MPPED2: variants seen among roughly 807,000 people sequenced by gnomAD.
MPPED2 encodes metallophosphoesterase MPPED2.
A neutral mutation model predicts 33.0 loss-of-function variants in MPPED2; 5 were observed. The observed-to-expected ratio is 0.15, with a 90% CI of 0.08 to 0.32. The LOEUF (loss-of-function observed/expected upper bound fraction) is 0.32. MPPED2 is among the 10% of genes least tolerant of loss of function. The pLI is 1.00. For missense variants in MPPED2, 275 were observed against 372.1 expected (o/e 0.74, Z 2.15); for synonymous variants, 136 against 141.9 (o/e 0.96, Z 0.29).
At chr11:30,455,969 T>C (rs915837977) in intron 4 of MPPED2, among the ~76,000 whole-genome samples, 5 of 152,252 alleles carry the variant, frequency 3.3e-5, no homozygotes, top group East Asian at 1.9e-4. Context: ...CCCTGGGTAA[T>C]GTTTCATCAC....
rs192733917 is a variant in MPPED2, at chr11:30,386,888, T to G, written c.*2001A>C. 7.5e-6 allele frequency: 3 copies of G among 397,686 alleles called. No individual in the cohort carries two copies. In the East Asian group the frequency reaches 1.1e-4, roughly 14 times the overall value. 24.6% of individuals were successfully genotyped at this position (397,686 alleles called of 1,614,324 possible). A position where few individuals can be genotyped will look rare whatever the true frequency, so the allele number is the denominator to read the frequency against. ...TAGTAATAATAATAGCCAACACTTA[T>G]TAAGCATCTGCCAAATGTTGGGCAT... On this transcript the variant is annotated 3_prime_UTR_variant, in exon 7 of 7. Transcript: ENST00000448418.
chr11:30,444,155 C>T (rs1347783672), intron 4 of MPPED2, among the ~76,000 whole-genome samples: 1 of 152,140 alleles, frequency 6.6e-6, no homozygotes, highest in African/African-American at 2.4e-5. Flanking sequence ...TGGATAGCAT[C>T]CTTGTGTTAA....
At chr11:30,539,520 C>T (rs1400834706) in intron 2 of MPPED2, among the ~76,000 whole-genome samples, 1 of 152,168 alleles carries the variant, frequency 6.6e-6, no homozygotes, top group Non-Finnish European at 1.5e-5. Flanking sequence ...CCTTATGGGG[C>T]ATCTCGTTCA....
chr11:30,572,812 T>C (rs1956764149), intron 2 of MPPED2, among the ~76,000 whole-genome samples: 1 of 152,200 alleles, frequency 6.6e-6, no homozygotes, highest in South Asian at 2.1e-4. Context: ...GATGTCTCTA[T>C]TATATTCTTT....
At chr11:30,446,210 G>C (rs921024313) in intron 4 of MPPED2, among the ~76,000 whole-genome samples, 1 of 152,202 alleles carries the variant, frequency 6.6e-6, no homozygotes, top group African/African-American at 2.4e-5. Context: ...GCGGTTAGAG[G>C]AGACTGGCAA....
intron 3 of MPPED2, among the ~76,000 whole-genome samples, chr11:30,512,580 C>A (rs903049370): frequency 6.6e-6 from 1 of 152,118 alleles, no homozygotes; most frequent in Admixed American, 6.5e-5. Context: ...CCCTCAGGGC[C>A]CTTGGAAAAA....
intron 3 of MPPED2, among the ~76,000 whole-genome samples, chr11:30,521,268 A>G (rs1252196717): frequency 6.6e-6 from 1 of 152,236 alleles, no homozygotes; most frequent in Non-Finnish European, 1.5e-5. Flanking sequence ...AAACAAGAAT[A>G]AACAAAACCA....
intron 4 of MPPED2, among the ~76,000 whole-genome samples, chr11:30,489,950 C>A (rs1951902838): frequency 6.6e-6 from 1 of 151,128 alleles, no homozygotes; most frequent in Non-Finnish European, 1.5e-5. Context: ...ATCAAAACAG[C>A]AAAAGAAGAG....
chr11:30,488,920 T>C (rs1456805572), intron 4 of MPPED2, among the ~76,000 whole-genome samples: 1 of 152,142 alleles, frequency 6.6e-6, no homozygotes, highest in Non-Finnish European at 1.5e-5. Flanking sequence ...CCCTCCTGAA[T>C]AAAAGCTGAA....
chr11:30,555,698 G>A (rs1016629829), intron 2 of MPPED2, among the ~76,000 whole-genome samples: 1 of 152,138 alleles, frequency 6.6e-6, no homozygotes, highest in Non-Finnish European at 1.5e-5. Context: ...ATGATTGTGA[G>A]GCCTTCCCAG....
At chr11:30,526,377 C>T (rs1954179115) in intron 3 of MPPED2, among the ~76,000 whole-genome samples, 1 of 152,012 alleles carries the variant, frequency 6.6e-6, no homozygotes, top group Non-Finnish European at 1.5e-5. Context: ...ATTTCTTGAA[C>T]TAGAAAGAGA....
intron 3 of MPPED2, among the ~76,000 whole-genome samples, chr11:30,506,123 C>T (rs1213840641): frequency 1.3e-5 from 2 of 151,982 alleles, no homozygotes; most frequent in East Asian, 1.9e-4. Context: ...CTGCAACCTC[C>T]GCCTCCAGGG....
chr11:30,554,119 G>A (rs1478661818), intron 2 of MPPED2, among the ~76,000 whole-genome samples: 1 of 152,152 alleles, frequency 6.6e-6, no homozygotes, highest in African/African-American at 2.4e-5. Flanking sequence ...CAACTGCAGA[G>A]ACTGGTTCTC....
At chr11:30,571,133 T>C (rs1956670379) in intron 2 of MPPED2, among the ~76,000 whole-genome samples, 2 of 151,862 alleles carry the variant, frequency 1.3e-5, no homozygotes, top group African/African-American at 4.8e-5. Flanking sequence ...CTATATTCCA[T>C]GGTGATGTTA....
chr11:30,430,642 G>A (rs1032834514), intron 4 of MPPED2, among the ~76,000 whole-genome samples: 3 of 152,162 alleles, frequency 2.0e-5, no homozygotes, highest in Admixed American at 1.3e-4. Context: ...TATGCACAGA[G>A]TTGTTCACAC....
intron 2 of MPPED2, among the ~76,000 whole-genome samples, chr11:30,569,867 G>T (rs1250245927): frequency 6.6e-5 from 10 of 152,086 alleles, no homozygotes; most frequent in Non-Finnish European, 1.5e-4. Flanking sequence ...TCATCTCCCT[G>T]TTGACTGAAG....
intron 2 of MPPED2, among the ~76,000 whole-genome samples, chr11:30,573,704 G>A (rs377610846): frequency 1.4e-3 from 209 of 152,214 alleles, no homozygotes; most frequent in African/African-American, 4.8e-3. Flanking sequence ...TGGGATATAC[G>A]TGGTTTTTGG....
At chr11:30,573,449 C>A (rs1323013899) in intron 2 of MPPED2, among the ~76,000 whole-genome samples, 1 of 152,104 alleles carries the variant, frequency 6.6e-6, no homozygotes, top group Admixed American at 6.5e-5. Flanking sequence ...AAAACAAAAA[C>A]AAAGTTAACT....
At chr11:30,578,205 T>C (rs751477139) in intron 2 of MPPED2, among the ~76,000 whole-genome samples, 2 of 152,046 alleles carry the variant, frequency 1.3e-5, no homozygotes, top group Non-Finnish European at 2.9e-5. Flanking sequence ...TTACGCTCTG[T>C]AAGAAACAGT....
Sources: allele counts gnomAD v4.1 joint callset (sites outside exome capture counted in the v4.1 genomes callset), GRCh38; gene constraint gnomAD v4.1.1; transcripts MANE v1.5; gene names NCBI Gene and HGNC (gene_info 2026-07-23, HGNC 2026-07-21).